Variants in GPHN observed in about 807,000 individuals in gnomAD.
GPHN encodes the protein gephyrin.
Under a neutral mutation model 95.5 loss-of-function variants are expected in GPHN, and 17 were observed. The observed-to-expected ratio is 0.18, with a 90% confidence interval of 0.12 to 0.27. GPHN has a LOEUF of 0.27. GPHN is among the 10% of genes least tolerant of loss of function. The pLI, the probability that GPHN is intolerant of heterozygous loss-of-function variation, is 1.00. For synonymous variants in GPHN, 320 were observed against 322.5 expected, an observed-to-expected ratio of 0.99 and a Z score of 0.08; for missense variants, 660 against 978.1, an observed-to-expected ratio of 0.67 and a Z score of 4.34.
chr14:67,635,713 C>T, the GPHN span, among the ~76,000 whole-genome samples: 3 of 151,968 alleles, frequency 2.0e-5, no homozygotes, highest in Admixed American at 6.6e-5. Flanking sequence ...ATTAGCCGGG[C>T]GTGGTGGCAG....
chr14:67,048,237 C>G (rs1424772546), intron 10 of GPHN, among the ~76,000 whole-genome samples: 1 of 152,180 alleles, frequency 6.6e-6, no homozygotes, highest in Non-Finnish European at 1.5e-5. Flanking sequence ...GAGTGAACCC[C>G]TATTCATTTT....
chr14:66,743,603 G>A (rs981312605), intron 2 of GPHN, among the ~76,000 whole-genome samples: 2 of 152,122 alleles, frequency 1.3e-5, no homozygotes, highest in African/African-American at 2.4e-5. Flanking sequence ...TTAGCCAGGC[G>A]TGGTGGCTGG....
chr14:67,505,018 T>A, the GPHN span, among the ~76,000 whole-genome samples: 6 of 152,176 alleles, frequency 3.9e-5, no homozygotes, highest in Non-Finnish European at 7.3e-5. Flanking sequence ...AAACATCCAG[T>A]CAAAGCAGCT....
chr14:67,627,472 G>A, the GPHN span, among the ~76,000 whole-genome samples: 2 of 152,038 alleles, frequency 1.3e-5, no homozygotes, highest in African/African-American at 4.8e-5. Flanking sequence ...TTTGGGCATT[G>A]AAAAGAGATG....
intron 1 of GPHN, among the ~76,000 whole-genome samples, chr14:66,585,092 C>T (rs1392306386): frequency 6.6e-6 from 1 of 152,090 alleles, no homozygotes; most frequent in Non-Finnish European, 1.5e-5. Context: ...TTCAGAGATT[C>T]AACTTCTTCT....
chr14:66,916,478 GT>G (rs112153181), intron 6 of GPHN, among the ~76,000 whole-genome samples: 2,074 of 85,440 alleles, frequency 0.024, 10 homozygotes, highest in Non-Finnish European at 0.027. Flanking sequence ...GATGTCCAGA[GT>G]TTTTTTTTTT....
At chr14:67,433,450 T>C in the GPHN span, among the ~76,000 whole-genome samples, 1 of 151,862 alleles carries the variant, frequency 6.6e-6, no homozygotes, top group Admixed American at 6.6e-5. Context: ...AATTTTAAAG[T>C]TGGAGGTATA....
chr14:67,282,805 G>A, the GPHN span, among the ~76,000 whole-genome samples: 1 of 152,094 alleles, frequency 6.6e-6, no homozygotes, highest in African/African-American at 2.4e-5. Flanking sequence ...AAACTACCTT[G>A]TGAGAGAAAT....
chr14:66,727,199 A>T (rs2071327620), intron 2 of GPHN, among the ~76,000 whole-genome samples: 1 of 152,152 alleles, frequency 6.6e-6, no homozygotes. Context: ...TTGCTCCTCC[A>T]TGCCTTCTAC....
Position 66,508,483 on chromosome 14 carries a change from C to A in GPHN, c.-45C>A. On this transcript the variant is annotated 5_prime_UTR_variant, in exon 1 of 23. Coordinates refer to ENST00000478722, the MANE Select transcript of GPHN (RefSeq NM_020806.5). ...CTCCCGGCCCGCGCGCTCCGGGCTC[C>A]GGTTTCTCCCGGCTCCTGTCAGTGC... 1.3e-6 allele frequency: 2 copies of A among 1,594,242 alleles called. No individual in the cohort carries two copies. Among genetic ancestry groups the A allele is most frequent in the South Asian group, 2.2e-5 (2 of 90,674 alleles).
At chr14:67,524,419 A>C in the GPHN span, among the ~76,000 whole-genome samples, 1 of 152,248 alleles carries the variant, frequency 6.6e-6, no homozygotes, top group South Asian at 2.1e-4. Context: ...TGGTGCTACA[A>C]TTAGGAGTGT....
the GPHN span, chr14:67,317,316 T>C: frequency 6.0e-6 from 7 of 1,165,436 alleles, no homozygotes; most frequent in Non-Finnish European, 7.3e-6. Context: ...ATTTAAAGAA[T>C]AAATGAATGA....
At chr14:67,693,770 G>C in the GPHN span, among the ~76,000 whole-genome samples, 1 of 151,196 alleles carries the variant, frequency 6.6e-6, no homozygotes, top group Admixed American at 6.6e-5. Flanking sequence ...AGGTTCAAGC[G>C]ATTCTCATCC....
At chr14:67,651,102 G>GT in the GPHN span, 6 of 913,490 alleles carry the variant, frequency 6.6e-6, no homozygotes, top group South Asian at 5.2e-5. Context: ...AATGTATTTG[G>GT]TTTTTTGCAG....
At chr14:67,453,259 T>TA in the GPHN span, among the ~76,000 whole-genome samples, 1 of 152,210 alleles carries the variant, frequency 6.6e-6, no homozygotes, top group Non-Finnish European at 1.5e-5. Context: ...CTGGGTTGAC[T>TA]AGTCAAAGTG....
At chr14:66,969,935 A>G (rs1022693509) in intron 9 of GPHN, 3 of 152,204 alleles carry the variant, frequency 2.0e-5, no homozygotes, top group South Asian at 2.1e-4. Context: ...TAAAATGAAG[A>G]ATATTTTTAA....
intron 2 of GPHN, among the ~76,000 whole-genome samples, chr14:66,696,568 G>A (rs967611393): frequency 1.3e-5 from 2 of 152,182 alleles, no homozygotes; most frequent in Non-Finnish European, 2.9e-5. Context: ...GCCAAAGGGC[G>A]TAGAAACCAT....
intron 1 of GPHN, among the ~76,000 whole-genome samples, chr14:66,514,855 A>C (rs1371617705): frequency 2.6e-5 from 4 of 152,036 alleles, no homozygotes; most frequent in Admixed American, 2.6e-4. Context: ...AATGTTGTCT[A>C]TACCCTGTAA....
intron 21 of GPHN, among the ~76,000 whole-genome samples, chr14:67,173,426 G>A (rs1418250202): frequency 6.6e-5 from 10 of 152,104 alleles, no homozygotes; most frequent in Admixed American, 6.5e-5. Flanking sequence ...TGTGGACTAC[G>A]TAACTGAGGC....
Sources: allele counts gnomAD v4.1 joint callset (sites outside exome capture counted in the v4.1 genomes callset), GRCh38; gene constraint gnomAD v4.1.1; transcripts MANE v1.5; gene names NCBI Gene and HGNC (gene_info 2026-07-23, HGNC 2026-07-21).